The following C1orf159 variants were observed in gnomAD, a reference collection of about 807,000 sequenced individuals.
The protein encoded by C1orf159 is uncharacterized protein C1orf159.
A neutral mutation model predicts 25.6 loss-of-function variants in C1orf159; 19 were observed. The ratio of observed to expected loss-of-function variants is 0.74; its 90% CI spans 0.52 to 1.09. The LOEUF (loss-of-function observed/expected upper bound fraction) is 1.09. C1orf159 is among the 50% of genes least tolerant of loss of function. The pLI is 0.00. For missense variants in C1orf159, 274 were observed against 290.6 expected, an observed-to-expected ratio of 0.94 and a Z score of 0.42; for synonymous variants, 139 against 124.7, an observed-to-expected ratio of 1.12 and a Z score of -0.77.
intron 1 of C1orf159, among the ~76,000 whole-genome samples, chr1:1,107,112 C>A (rs1044542234): frequency 6.6e-6 from 1 of 152,278 alleles, no homozygotes; most frequent in Non-Finnish European, 1.5e-5. Flanking sequence ...CCGCGGCACC[C>A]GATCCCATCA....
At chr1:1,091,306 C>CGA in intron 3 of C1orf159, 166 bp downstream of exon 3, 1 of 758,744 alleles carries the variant, frequency 1.3e-6, no homozygotes, top group Non-Finnish European at 2.2e-6. Flanking sequence ...CTCCCCTCTG[C>CGA]GAGGCACAGG....
At chr1:1,107,584 G>A (rs559766283) in intron 1 of C1orf159, among the ~76,000 whole-genome samples, 12 of 152,224 alleles carry the variant, frequency 7.9e-5, no homozygotes, top group African/African-American at 2.6e-4. Context: ...CTCAGGGATC[G>A]TAAACGCACT....
intron 1 of C1orf159, among the ~76,000 whole-genome samples, chr1:1,103,004 T>C (rs996263790): frequency 6.6e-6 from 1 of 151,630 alleles, no homozygotes; most frequent in Non-Finnish European, 1.5e-5. Flanking sequence ...AAATTTTTGT[T>C]GTTGCTGTTT....
At chr1:1,114,019 C>T (rs530628484) in intron 1 of C1orf159, among the ~76,000 whole-genome samples, 2 of 150,906 alleles carry the variant, frequency 1.3e-5, no homozygotes, top group Admixed American at 6.6e-5. Context: ...CGAGTTCAAG[C>T]GATTCTCCTG....
chr1:1,084,775 G>A (rs1645803100), intron 7 of C1orf159, among the ~76,000 whole-genome samples: 1 of 152,090 alleles, frequency 6.6e-6, no homozygotes, highest in Non-Finnish European at 1.5e-5. Flanking sequence ...CCGCTCCCTG[G>A]ACCCACCTTC....
intron 4 of C1orf159, 142 bp downstream of exon 4, chr1:1,090,211 A>T: frequency 1.2e-6 from 1 of 859,566 alleles, no homozygotes; most frequent in Non-Finnish European, 1.8e-6. Context: ...CCCAAGCTCC[A>T]CAGCCCTCAC....
In C1orf159 at chr1:1,089,038, G is replaced by C. The variant is rs1185611614; in HGVS notation, c.148+1315C>G. Among the ~76,000 whole-genome samples the C allele has an allele frequency of 6.6e-6, 1 of 152,246 alleles. No individual in the cohort carries two copies. The highest frequency in any genetic ancestry group is 2.4e-5 in the African/African-American group (1 of 41,472). On this transcript the variant is annotated intron_variant, in intron 4 of 9. Transcript: ENST00000421241. The surrounding 1 kb of genome is among the most constrained non-coding windows in gnomAD (Gnocchi z 7.5). ...AGGCCGAAGAACGGAGTCCACGGCA[G>C]GGAGCCAAACACCAGCGCAGCACTG...
At chr1:1,094,696 G>A (rs143377433) in intron 1 of C1orf159, among the ~76,000 whole-genome samples, 2 of 152,138 alleles carry the variant, frequency 1.3e-5, no homozygotes, top group Non-Finnish European at 2.9e-5. Flanking sequence ...CACCTTGCCC[G>A]GCCCCCGTCT....
At position 1,089,329 on chromosome 1, in the gene C1orf159, G is replaced by A. The variant is rs925220308; in HGVS notation, c.148+1024C>T. 6.6e-6 allele frequency among the ~76,000 whole-genome samples: 1 copy of A among 152,130 alleles called. No individual in the cohort carries two copies. The highest frequency in any genetic ancestry group is 1.5e-5 in the Non-Finnish European group (1 of 68,014). On this transcript the variant is annotated intron_variant, in intron 4 of 9. Coordinates refer to ENST00000421241, the MANE Select transcript of C1orf159 (RefSeq NM_017891.5). This position sits in a 1 kb window ranked among gnomAD's most constrained non-coding sequence, Gnocchi z 7.5. ...CACAATCCCTCACAGGAGACGCCAC[G>A]GCCCCAGCACTCTTGCTGCCATGGG...
At chr1:1,084,766 C>T (rs543887400) in intron 7 of C1orf159, among the ~76,000 whole-genome samples, 36 of 152,260 alleles carry the variant, frequency 2.4e-4, no homozygotes, top group African/African-American at 8.7e-4. Context: ...GGTGAGTCCC[C>T]GCTCCCTGGA....
chr1:1,097,584 A>ATTTTTTTT (rs71576596), intron 1 of C1orf159, among the ~76,000 whole-genome samples: 4 of 126,524 alleles, frequency 3.2e-5, no homozygotes, highest in African/African-American at 1.3e-4. Flanking sequence ...AGCTCATTAA[A>ATTTTTTTT]TTTTTTTTTT....
rs765233620 is a variant in C1orf159 at position 1,087,480 on chromosome 1, G to A, written c.244+22C>T. On this transcript the variant is annotated intron_variant, in intron 5 of 9. Transcript: ENST00000421241. This position sits in a 1 kb window ranked among gnomAD's most constrained non-coding sequence, Gnocchi z 8.3. ...CAGCTGGAGCTGTGAGAAGGGAGCCGGGGGGAGCCGGGCAGACCTACAGCT... is the reference window on the plus strand; with the variant it reads ...CAGCTGGAGCTGTGAGAAGGGAGCCAGGGGGAGCCGGGCAGACCTACAGCT... 99 of 1,528,884 alleles carry A rather than the reference G, an allele frequency of 6.5e-5. No individual in the cohort carries two copies. The highest frequency in any genetic ancestry group is 1.1e-4 in the African/African-American group (8 of 72,426). The allele number at this position is 1,528,884 out of a possible 1,614,324, so 94.7% of individuals were successfully genotyped here. A position where few individuals can be genotyped will look rare whatever the true frequency, so the allele number is the denominator to read the frequency against.
chr1:1,092,170 G>A (rs1178960664), intron 1 of C1orf159, 67 bp from the exon 2 acceptor site: 7 of 352,138 alleles, frequency 2.0e-5, no homozygotes, highest in East Asian at 8.1e-5. Context: ...CGTGGCCTAC[G>A]GTGCGGGGTC....
At chr1:1,104,612 C>T (rs1003573694) in intron 1 of C1orf159, among the ~76,000 whole-genome samples, 3 of 152,064 alleles carry the variant, frequency 2.0e-5, no homozygotes, top group Admixed American at 1.3e-4. Context: ...TGTTGCTTCC[C>T]AGGTGCTCAA....
chr1:1,085,737 A>G (rs1645818016), intron 7 of C1orf159, 141 bp downstream of exon 7: 2 of 1,107,472 alleles, frequency 1.8e-6, no homozygotes, highest in South Asian at 3.5e-5. Context: ...GGGACCCAAA[A>G]GCCACAGGAC....
At chr1:1,104,774 C>T (rs754143365) in intron 1 of C1orf159, among the ~76,000 whole-genome samples, 1 of 151,974 alleles carries the variant, frequency 6.6e-6, no homozygotes, top group Non-Finnish European at 1.5e-5. Flanking sequence ...CGGGAACGCA[C>T]CTGCACTCCA....
Position 1,104,744 on chromosome 1 carries a change from C to T in C1orf159, c.-136+11316G>A, listed in dbSNP as rs1461222231. Among the ~76,000 whole-genome samples, 5 of 151,968 alleles carry T rather than the reference C, an allele frequency of 3.3e-5. No individual in the cohort carries two copies. The South Asian group carries it at 8.3e-4, about 25-fold the overall frequency. ...CAGGAGTTCGAAGCCGAAGTGCAGA[C>T]GCATTCAAGCTGGTCGAGCCGGGAA... is the stretch of plus-strand genomic sequence containing the variant. On this transcript the variant is annotated intron_variant, in intron 1 of 9. Transcript: ENST00000421241.
chr1:1,104,573 G>A (rs75307222), intron 1 of C1orf159, among the ~76,000 whole-genome samples: 2,305 of 152,274 alleles, frequency 0.015, 61 homozygotes, highest in African/African-American at 0.052. Flanking sequence ...AAACCAAGGC[G>A]ATTTTAGTTT....
intron 4 of C1orf159, among the ~76,000 whole-genome samples, chr1:1,088,431 C>T (rs966709741): frequency 2.1e-5 from 3 of 144,930 alleles, no homozygotes; most frequent in Non-Finnish European, 3.0e-5. Flanking sequence ...TAGGCCCACC[C>T]GCCAGCAGCA....
Sources: allele counts gnomAD v4.1 joint callset (sites outside exome capture counted in the v4.1 genomes callset), GRCh38; gene constraint gnomAD v4.1.1; non-coding constraint Gnocchi (gnomAD v3.1); transcripts MANE v1.5; gene names NCBI Gene and HGNC (gene_info 2026-07-23, HGNC 2026-07-21).